Variants in EIF4G3 observed in about 807,000 individuals in gnomAD.
EIF4G3 encodes eIF-4-gamma 3.
In EIF4G3, 34 loss-of-function variants were observed where a neutral mutation model predicts 186.4. That is an observed-to-expected ratio of 0.18 (90% CI 0.14 to 0.24). The LOEUF (loss-of-function observed/expected upper bound fraction) is 0.24. EIF4G3 is among the 10% of genes least tolerant of loss of function. EIF4G3 has a pLI of 1.00. For synonymous variants in EIF4G3, 673 were observed against 679.5 expected (o/e 0.99, Z 0.15); for missense variants, 1,536 against 1,948.5 (o/e 0.79, Z 3.99).
chr1:20,814,726 T>C (rs1430610331), intron 34 of EIF4G3, among the ~76,000 whole-genome samples: 1 of 146,694 alleles, frequency 6.8e-6, no homozygotes, highest in African/African-American at 2.5e-5. Flanking sequence ...TAAAAACTAA[T>C]TTAATTAAGG....
intron 14 of EIF4G3, among the ~76,000 whole-genome samples, chr1:20,927,863 TTGTTTTG>T: frequency 6.6e-6 from 1 of 152,146 alleles, no homozygotes; most frequent in Non-Finnish European, 1.5e-5. Flanking sequence ...CAGGTGTTTT[TTGTTTTG>T]TTTTTTTGAC....
chr1:20,989,055 G>A (rs1468209453), intron 7 of EIF4G3, among the ~76,000 whole-genome samples: 3 of 75,494 alleles, frequency 4.0e-5, no homozygotes, highest in Admixed American at 2.6e-4. Flanking sequence ...GAGGAGAGGA[G>A]AGGAGGGGAG....
In EIF4G3 at chr1:20,972,985, T is replaced by C; in HGVS notation, c.591+17A>G. The C allele has an allele frequency of 6.4e-7, 1 of 1,567,524 alleles. No individual in the cohort carries two copies. Among genetic ancestry groups the C allele is most frequent in the South Asian group, 1.2e-5 (1 of 83,642 alleles). Reference sequence around the variant, plus strand: ...ATTTTAGATTTAAAATAAGAAAAAGTAATAAAAATCTCTTACAGTTTTTTT... The same window carrying C: ...ATTTTAGATTTAAAATAAGAAAAAGCAATAAAAATCTCTTACAGTTTTTTT... On this transcript the variant is annotated intron_variant, in intron 11 of 36. Transcript: ENST00000602326.
At chr1:20,901,517 G>C (rs1430160039) in intron 15 of EIF4G3, among the ~76,000 whole-genome samples, 1 of 152,014 alleles carries the variant, frequency 6.6e-6, no homozygotes, top group East Asian at 1.9e-4. Flanking sequence ...AGAGAATACA[G>C]TGCATCCTCT....
chr1:20,973,029 C>T lies in EIF4G3; in HGVS notation c.564G>A (p.Pro188=), dbSNP rs773405438. The T allele has an allele frequency of 8.7e-6, 14 of 1,606,290 alleles. No individual in the cohort carries two copies. The highest frequency in any genetic ancestry group is 6.7e-5 in the East Asian group (3 of 44,762). The change falls in exon 11 of 37, where the codon CCG becomes CCA. Residue 188 remains proline, a synonymous_variant. Transcript: ENST00000602326. ...APIIVPTQQQ[P]PPAKREKKTI... ...TTTTTTTCTCTCTCTTGGCTGGAGG[C>T]GGCTGTTGCTGCGTAGGCACTATGA...
intron 7 of EIF4G3, among the ~76,000 whole-genome samples, chr1:20,983,357 A>C (rs944131229): frequency 5.3e-5 from 8 of 152,202 alleles, no homozygotes; most frequent in African/African-American, 1.9e-4. Flanking sequence ...CTGGGATGCA[A>C]TACAACTACA....
intron 14 of EIF4G3, among the ~76,000 whole-genome samples, chr1:20,926,684 A>AAC (rs2094921095): frequency 6.6e-6 from 1 of 151,712 alleles, no homozygotes; most frequent in Admixed American, 6.6e-5. Context: ...AGAAAAGAAA[A>AAC]AAAAAAAAAA....
At position 20,865,180 on chromosome 1, in the gene EIF4G3, T is replaced by C. The variant is rs1557984980; in HGVS notation, c.2705A>G (p.Glu902Gly). The change falls in exon 21 of 37, where the codon GAA becomes GGA. Residue 902 changes from glutamate to glycine, a missense_variant. This residue lies in a region of EIF4G3 where 77 missense variants were observed against 131.6 expected (regional missense o/e 0.59). Coordinates refer to ENST00000602326, the MANE Select transcript of EIF4G3 (RefSeq NM_001391906.1). ...GACATCATCATCTGCTTTATCTTTT[T>C]CAAACTCCTTCTGGCAACGGTTCAG... Reference protein sequence around the residue: ...LLLNRCQKEFEKDKADDDVFE... With the variant: ...LLLNRCQKEFGKDKADDDVFE... 2 of 1,614,164 alleles carry C rather than the reference T, an allele frequency of 1.2e-6. No individual in the cohort carries two copies. Among genetic ancestry groups the C allele is most frequent in the Non-Finnish European group, 1.7e-6 (2 of 1,180,020 alleles).
intron 12 of EIF4G3, among the ~76,000 whole-genome samples, chr1:20,951,806 AAAGT>A (rs1170469304): frequency 6.6e-6 from 1 of 152,222 alleles, no homozygotes; most frequent in East Asian, 1.9e-4. Flanking sequence ...ATTCAAAGAA[AAAGT>A]AAGATGTTTA....
intron 4 of EIF4G3, among the ~76,000 whole-genome samples, chr1:21,041,639 A>G (rs2093586641): frequency 6.6e-6 from 1 of 152,256 alleles, no homozygotes; most frequent in Non-Finnish European, 1.5e-5. Context: ...CTGGAGAAAC[A>G]CTGGCAGTGA....
At chr1:21,168,302 G>A (rs2097894542) in intron 2 of EIF4G3, among the ~76,000 whole-genome samples, 1 of 152,094 alleles carries the variant, frequency 6.6e-6, no homozygotes, top group African/African-American at 2.4e-5. Context: ...CTACTCAGGA[G>A]GCTGAGGCAG....
chr1:20,853,699 A>G (rs750869538), intron 26 of EIF4G3, 22 bp from the exon 27 acceptor site: 9 of 1,534,426 alleles, frequency 5.9e-6, no homozygotes, highest in Non-Finnish European at 8.1e-6. Context: ...GAGGATTTAG[A>G]AAAAAATACA....
At chr1:20,843,280 C>T (rs2069385222) in intron 29 of EIF4G3, among the ~76,000 whole-genome samples, 1 of 152,020 alleles carries the variant, frequency 6.6e-6, no homozygotes, top group Non-Finnish European at 1.5e-5. Flanking sequence ...CGTTGGGAGG[C>T]CAAGGCGGGC....
intron 33 of EIF4G3, among the ~76,000 whole-genome samples, chr1:20,818,442 C>A (rs2061566382): frequency 6.6e-6 from 1 of 152,072 alleles, no homozygotes; most frequent in Non-Finnish European, 1.5e-5. Flanking sequence ...AGTTTGAGAC[C>A]AGCCTGGGCA....
chr1:21,023,415 C>G (rs941375035), intron 4 of EIF4G3, among the ~76,000 whole-genome samples: 1 of 151,638 alleles, frequency 6.6e-6, no homozygotes, highest in Non-Finnish European at 1.5e-5. Context: ...ATTGCAGGCA[C>G]GCGCCGCCAT....
intron 3 of EIF4G3, among the ~76,000 whole-genome samples, chr1:21,079,703 A>C (rs954027364): frequency 6.6e-6 from 1 of 150,924 alleles, no homozygotes; most frequent in African/African-American, 2.4e-5. Flanking sequence ...AAAAAAAAAA[A>C]CTCATGAAAT....
At chr1:20,862,195 A>G (rs2076521745) in intron 23 of EIF4G3, 33 bp downstream of exon 23, 2 of 1,306,140 alleles carry the variant, frequency 1.5e-6, no homozygotes, top group Middle Eastern at 1.9e-4. Context: ...AGACTGGACC[A>G]GCAGGCTTAT....
intron 15 of EIF4G3, 148 bp downstream of exon 15, chr1:20,904,735 T>C (rs1259009607): frequency 6.4e-6 from 3 of 466,284 alleles, no homozygotes; most frequent in Non-Finnish European, 1.1e-5. Context: ...TTTAAAATTC[T>C]AATATAAAAT....
chr1:21,009,275 G>C (rs975779220), intron 4 of EIF4G3, among the ~76,000 whole-genome samples: 1 of 152,064 alleles, frequency 6.6e-6, no homozygotes, highest in Non-Finnish European at 1.5e-5. Context: ...CAGCCTCTTG[G>C]GCTTAAGCCA....
Sources: gnomAD v4.1 joint callset for allele counts (sites outside exome capture counted in the v4.1 genomes callset) on GRCh38, gnomAD v4.1.1 for gene constraint, gnomAD v4.1.1 regional missense constraint, MANE v1.5 for transcripts, NCBI Gene and HGNC (gene_info 2026-07-23, HGNC 2026-07-21) for gene names.